GPC6: variants seen among roughly 807,000 people sequenced by gnomAD.
The protein encoded by GPC6 is glypican-6.
Under a neutral mutation model 55.2 loss-of-function variants are expected in GPC6, and 14 were observed. That is an observed-to-expected ratio of 0.25 (90% CI 0.17 to 0.40). The LOEUF is 0.40. Ranked by LOEUF, GPC6 falls within the 10% of genes least tolerant of loss-of-function variation. The pLI is 1.00. For synonymous variants in GPC6, 278 were observed against 259.6 expected (o/e 1.07, Z -0.68); for missense variants, 641 against 708.5 (o/e 0.90, Z 1.08).
intron 4 of GPC6, among the ~76,000 whole-genome samples, chr13:94,065,577 C>T (rs1452586858): frequency 3.3e-5 from 5 of 152,232 alleles, no homozygotes; most frequent in East Asian, 1.9e-4. Context: ...TTTCTAACAC[C>T]GCTCTATAAA....
chr13:93,583,280 A>G (rs1877019616), intron 2 of GPC6, among the ~76,000 whole-genome samples: 1 of 151,964 alleles, frequency 6.6e-6, no homozygotes, highest in African/African-American at 2.4e-5. Flanking sequence ...CTAAGAGTCA[A>G]CCTTCTGTAT....
intron 3 of GPC6, among the ~76,000 whole-genome samples, chr13:93,948,063 C>T (rs964194564): frequency 1.3e-5 from 2 of 152,070 alleles, no homozygotes; most frequent in Non-Finnish European, 2.9e-5. Flanking sequence ...ATATATTTCT[C>T]ATAAATTTAA....
At chr13:93,741,899 T>C (rs145506435) in intron 2 of GPC6, among the ~76,000 whole-genome samples, 122 of 152,356 alleles carry the variant, frequency 8.0e-4, no homozygotes, top group African/African-American at 2.6e-3. Context: ...CCCAATTTTA[T>C]AGTTTTCACT....
At chr13:93,916,210 C>T (rs542208117) in intron 3 of GPC6, among the ~76,000 whole-genome samples, 1 of 152,070 alleles carries the variant, frequency 6.6e-6, no homozygotes, top group African/African-American at 2.4e-5. Context: ...CGCCTTGCTT[C>T]GGGCTTGTAT....
chr13:93,678,484 A>C (rs2138761822), intron 2 of GPC6, among the ~76,000 whole-genome samples: 1 of 152,306 alleles, frequency 6.6e-6, no homozygotes, highest in South Asian at 2.1e-4. Flanking sequence ...GTCTGAATGT[A>C]ACTAAGTCTA....
At chr13:93,714,954 CAG>C (rs930119228) in intron 2 of GPC6, among the ~76,000 whole-genome samples, 4 of 151,512 alleles carry the variant, frequency 2.6e-5, no homozygotes, top group African/African-American at 7.2e-5. Context: ...GTCATGGTGA[CAG>C]GGGTATATTT....
At chr13:93,478,006 A>G (rs896710124) in intron 1 of GPC6, among the ~76,000 whole-genome samples, 2 of 152,092 alleles carry the variant, frequency 1.3e-5, no homozygotes, top group Admixed American at 6.6e-5. Flanking sequence ...GTCTTATTAC[A>G]TCTGTTTAAA....
At chr13:93,559,623 A>G (rs1228387696) in intron 2 of GPC6, among the ~76,000 whole-genome samples, 3 of 152,216 alleles carry the variant, frequency 2.0e-5, no homozygotes, top group Non-Finnish European at 4.4e-5. Context: ...TCTACTTTAT[A>G]AAAAGACATG....
chr13:93,557,793 T>TATAA (rs1250264417), intron 2 of GPC6, among the ~76,000 whole-genome samples: 2 of 152,214 alleles, frequency 1.3e-5, no homozygotes, highest in African/African-American at 4.8e-5. Context: ...TTTTAACTAA[T>TATAA]ATAAGTTTTA....
At chr13:93,618,351 A>G (rs918734313) in intron 2 of GPC6, among the ~76,000 whole-genome samples, 1 of 152,138 alleles carries the variant, frequency 6.6e-6, no homozygotes, top group Admixed American at 6.6e-5. Flanking sequence ...TAAAAATCAT[A>G]TAAATCAGCA....
At chr13:93,545,590 T>G (rs1022145236) in intron 2 of GPC6, among the ~76,000 whole-genome samples, 169 bp downstream of exon 2, 1 of 152,188 alleles carries the variant, frequency 6.6e-6, no homozygotes, top group Non-Finnish European at 1.5e-5. Flanking sequence ...CAGTAATTTT[T>G]TTTTTTTTAG....
At chr13:94,257,354 G>A (rs907448615) in intron 4 of GPC6, among the ~76,000 whole-genome samples, 1 of 152,206 alleles carries the variant, frequency 6.6e-6, no homozygotes, top group African/African-American at 2.4e-5. Flanking sequence ...CAGCAAATCT[G>A]TCAATCCAGA....
intron 4 of GPC6, among the ~76,000 whole-genome samples, chr13:94,224,690 G>A (rs940239034): frequency 6.6e-6 from 1 of 152,018 alleles, no homozygotes; most frequent in African/African-American, 2.4e-5. Context: ...GGTTTTTGGA[G>A]CATTTTTTCT....
intron 4 of GPC6, among the ~76,000 whole-genome samples, chr13:94,039,059 A>AG (rs985387626): frequency 3.9e-5 from 6 of 151,996 alleles, no homozygotes; most frequent in South Asian, 2.1e-4. Context: ...TGGTGACACC[A>AG]GGGGGGGAAA....
chr13:93,423,509 T>A (rs1249918402), intron 1 of GPC6, among the ~76,000 whole-genome samples: 1 of 152,226 alleles, frequency 6.6e-6, no homozygotes, highest in Non-Finnish European at 1.5e-5. Context: ...TTTTTGTTAT[T>A]CCACAAAGGA....
chr13:93,637,713 T>C (rs1879756765), intron 2 of GPC6, among the ~76,000 whole-genome samples: 1 of 152,148 alleles, frequency 6.6e-6, no homozygotes, highest in South Asian at 2.1e-4. Flanking sequence ...AGTCTATCTA[T>C]GAATAAATCT....
intron 4 of GPC6, among the ~76,000 whole-genome samples, chr13:94,041,377 C>G (rs867134752): frequency 6.6e-6 from 1 of 151,784 alleles, no homozygotes; most frequent in African/African-American, 2.4e-5. Context: ...GTAATCTGTA[C>G]TAATTGAGAG....
chr13:93,343,746 T>C (rs982911623), intron 1 of GPC6, among the ~76,000 whole-genome samples: 2 of 152,188 alleles, frequency 1.3e-5, no homozygotes, highest in Admixed American at 1.3e-4. Context: ...TACCTGACGT[T>C]TCTTTAACAC....
intron 2 of GPC6, among the ~76,000 whole-genome samples, chr13:93,807,678 C>T (rs1886580354): frequency 6.6e-6 from 1 of 152,198 alleles, no homozygotes; most frequent in African/African-American, 2.4e-5. Context: ...TCCACTTCCT[C>T]TTGAAAAACA....
Sources: gnomAD v4.1 joint callset for allele counts (sites outside exome capture counted in the v4.1 genomes callset) on GRCh38, gnomAD v4.1.1 for gene constraint, MANE v1.5 for transcripts, NCBI Gene and HGNC (gene_info 2026-07-23, HGNC 2026-07-21) for gene names.